Variants in FGF13 observed in about 807,000 individuals in gnomAD.
FGF13 encodes fibroblast growth factor 13, also known as fibroblast growth factor homologous factor 2.
FGF13 carries 2 observed loss-of-function variants against 19.5 expected under a neutral mutation model. The observed-to-expected ratio is 0.10, with a 90% CI of 0.04 to 0.32. FGF13 has a LOEUF of 0.32. Among genes scored for constraint, FGF13 ranks in the 10% least tolerant of loss-of-function variants. The pLI is 1.00. For missense variants in FGF13, 113 were observed against 192.7 expected (o/e 0.59, Z 2.45); for synonymous variants, 72 against 76.9 (o/e 0.94, Z 0.33).
intron 3 of FGF13, among the ~76,000 whole-genome samples, chrX:138,782,512 A>C (rs1161349204): frequency 9.1e-6 from 1 of 109,880 alleles, no homozygotes; most frequent in Non-Finnish European, 1.9e-5. Context: ...ATTCCTATAC[A>C]ACAACAACAG....
At chrX:138,664,605 A>T (rs1211990863) in intron 3 of FGF13, among the ~76,000 whole-genome samples, 1 of 111,388 alleles carries the variant, frequency 9.0e-6, no homozygotes, top group Non-Finnish European at 1.9e-5. Flanking sequence ...TAATTTAAAA[A>T]ATTAACTTAA....
At chrX:138,892,665 G>T (rs943395758) in intron 1 of FGF13, among the ~76,000 whole-genome samples, 7 of 110,591 alleles carry the variant, frequency 6.3e-5, no homozygotes, top group African/African-American at 2.3e-4. Context: ...GAGTGACCAG[G>T]GATCAGGCTG....
At chrX:139,045,978 T>C (rs979330533) in intron 1 of FGF13, among the ~76,000 whole-genome samples, 12 of 112,042 alleles carry the variant, frequency 1.1e-4, no homozygotes, top group Non-Finnish European at 2.1e-4. Flanking sequence ...GTCATCTTTA[T>C]AGCAATACCC....
At chrX:139,076,468 C>T (rs192343757) in intron 1 of FGF13, among the ~76,000 whole-genome samples, 15 of 111,729 alleles carry the variant, frequency 1.3e-4, no homozygotes, top group Non-Finnish European at 2.4e-4. Context: ...CACACACACA[C>T]AAAACAGGGA....
chrX:138,705,953 C>T (rs995016161), intron 2 of FGF13, among the ~76,000 whole-genome samples: 1 of 111,935 alleles, frequency 8.9e-6, no homozygotes, highest in Non-Finnish European at 1.9e-5. Flanking sequence ...CATAAATGTG[C>T]CTGTGTTTCT....
At chrX:139,024,749 C>G (rs1001383126) in intron 1 of FGF13, among the ~76,000 whole-genome samples, 1 of 111,709 alleles carries the variant, frequency 9.0e-6, no homozygotes, top group African/African-American at 3.3e-5. Context: ...GTGAAGACTG[C>G]TTAGTCTTTC....
At chrX:139,026,087 C>T (rs759559482) in intron 1 of FGF13, among the ~76,000 whole-genome samples, 1 of 110,995 alleles carries the variant, frequency 9.0e-6, no homozygotes, top group Non-Finnish European at 1.9e-5. Flanking sequence ...ATTCCAATTC[C>T]CATTGCCCCA....
chrX:138,716,302 G>T (rs2090100501), upstream of FGF13: 1 of 112,187 alleles, frequency 8.9e-6, no homozygotes, highest in Admixed American at 9.4e-5. Context: ...AGCAGAGAGA[G>T]TATTTACGAG....
intron 1 of FGF13, among the ~76,000 whole-genome samples, chrX:138,963,218 C>T (rs1260136387): frequency 3.5e-5 from 4 of 113,163 alleles, no homozygotes; most frequent in Non-Finnish European, 5.6e-5. Context: ...TAGAACGCCA[C>T]TCCTGGCAAG....
chrX:138,741,437 T>G (rs1052614202), upstream of FGF13, among the ~76,000 whole-genome samples: 9 of 111,231 alleles, frequency 8.1e-5, no homozygotes, highest in African/African-American at 2.6e-4. Context: ...CAGGTAAAAT[T>G]TATTTCTGCT....
At chrX:138,787,433 T>C (rs2090702503) in intron 3 of FGF13, among the ~76,000 whole-genome samples, 1 of 112,241 alleles carries the variant, frequency 8.9e-6, no homozygotes, top group African/African-American at 3.2e-5. Context: ...GCCAGCATAG[T>C]TGGGTTCTGG....
At chrX:139,101,872 C>T (rs145509230) in intron 1 of FGF13, among the ~76,000 whole-genome samples, 22 of 112,105 alleles carry the variant, frequency 2.0e-4, no homozygotes, top group African/African-American at 6.2e-4. Flanking sequence ...GAATTTGAGT[C>T]GATGTGGAGG....
chrX:138,888,659 C>T (rs1189566092), intron 1 of FGF13, among the ~76,000 whole-genome samples: 1 of 108,396 alleles, frequency 9.2e-6, no homozygotes, highest in Non-Finnish European at 1.9e-5. Context: ...TGCCATTTTT[C>T]CTTCTTCTTC....
intron 1 of FGF13, among the ~76,000 whole-genome samples, chrX:138,879,833 A>G (rs1181236885): frequency 2.7e-5 from 3 of 112,118 alleles, no homozygotes; most frequent in Admixed American, 1.9e-4. Flanking sequence ...GACAAATGGG[A>G]TCTAATTAAA....
intron 2 of FGF13, among the ~76,000 whole-genome samples, chrX:138,708,333 A>G (rs1307164891): frequency 8.9e-6 from 1 of 111,916 alleles, no homozygotes; most frequent in East Asian, 2.8e-4. Flanking sequence ...CCACCTGCGG[A>G]GGTATCTCAA....
chrX:138,962,368 G>A (rs1335336679), intron 1 of FGF13, among the ~76,000 whole-genome samples: 1 of 112,006 alleles, frequency 8.9e-6, no homozygotes, highest in Non-Finnish European at 1.9e-5. Flanking sequence ...AGGATGTGGA[G>A]AAATAGGAAC....
intron 3 of FGF13, among the ~76,000 whole-genome samples, chrX:138,834,605 C>T (rs1287492772): frequency 9.3e-6 from 1 of 107,589 alleles, no homozygotes; most frequent in Non-Finnish European, 1.9e-5. Flanking sequence ...AAAAACAAAA[C>T]AGCTCCTGGA....
At chrX:138,754,395 C>T (rs1183587339) in intron 3 of FGF13, among the ~76,000 whole-genome samples, 10 of 111,174 alleles carry the variant, frequency 9.0e-5, no homozygotes, top group African/African-American at 2.6e-4. Context: ...ATTTGATTAC[C>T]TTGACTCCCT....
At chrX:138,699,860 G>T (rs1602716860) in intron 3 of FGF13, among the ~76,000 whole-genome samples, 1 of 111,332 alleles carries the variant, frequency 9.0e-6, no homozygotes, top group East Asian at 2.8e-4. Flanking sequence ...CAAGTGCTAG[G>T]TTCATATTTT....
Sources: allele counts gnomAD v4.1 joint callset (sites outside exome capture counted in the v4.1 genomes callset), GRCh38; gene constraint gnomAD v4.1.1; transcripts MANE v1.5; gene names NCBI Gene and HGNC (gene_info 2026-07-23, HGNC 2026-07-21).